Variants in ADCY6 observed in about 807,000 individuals in gnomAD.
ADCY6 encodes adenylate cyclase 6, also known as adenylate cyclase type 6.
In ADCY6, 59 loss-of-function variants were observed where a neutral mutation model predicts 111.6. The ratio of observed to expected loss-of-function variants is 0.53; its 90% CI spans 0.43 to 0.66. The LOEUF (loss-of-function observed/expected upper bound fraction) is 0.66, where lower values mean the gene tolerates loss of function less well. ADCY6 is among the 30% of genes least tolerant of loss of function. ADCY6 has a pLI of 0.00. For synonymous variants in ADCY6, 576 were observed against 642.9 expected (o/e 0.90, Z 1.57); for missense variants, 1,242 against 1,595.6 (o/e 0.78, Z 3.78).
In ADCY6 at chr12:48,775,254, G is replaced by A. The variant is rs776619199; in HGVS notation, c.1980+49C>T. 18 of 1,609,478 alleles carry A rather than the reference G, an allele frequency of 1.1e-5. 1 individual carries two copies. In the Admixed American group the frequency reaches 1.7e-4, roughly 15 times the overall value. Reference sequence around the variant, plus strand: ...ACCTGTGCTCAGCCTTCCCTGCTGCGACCTGCCCCTCCCCCAGCCCTTGTC... The same window carrying A: ...ACCTGTGCTCAGCCTTCCCTGCTGCAACCTGCCCCTCCCCCAGCCCTTGTC... On this transcript the variant is annotated intron_variant, in intron 11 of 21. Transcript: ENST00000357869.
Position 48,782,601 on chromosome 12 carries a change from A to T in ADCY6, c.834T>A (p.Leu278=). 6.2e-7 allele frequency: 1 copy of T among 1,612,128 alleles called. No individual in the cohort carries two copies. The highest frequency in any genetic ancestry group is 8.5e-7 in the Non-Finnish European group (1 of 1,179,106). ...TCCAGAGGAAGGCATCACCACGGTTAAGTTGCCAGGCCAAGATCAAATGCA... is the reference window on the plus strand; with the variant it reads ...TCCAGAGGAAGGCATCACCACGGTTTAGTTGCCAGGCCAAGATCAAATGCA... ...STLHLILAWQ[L]NRGDAFLWKQ... Residue 278 remains leucine (L), a synonymous_variant, in exon 2 of 22, where the codon CTT becomes CTA. Transcript: ENST00000357869. This position sits in a 1 kb window ranked among gnomAD's most constrained non-coding sequence, Gnocchi z 4.3.
intron 2 of ADCY6, among the ~76,000 whole-genome samples, chr12:48,781,064 G>T (rs1343648118): frequency 6.6e-6 from 1 of 152,054 alleles, no homozygotes; most frequent in South Asian, 2.1e-4. Flanking sequence ...TGGGCATGGT[G>T]GCGCGCTCCT....
chr12:48,782,722 C>A lies in ADCY6; in HGVS notation c.713G>T (p.Gly238Val). ...GACAAAGAACACAGGGCACCAGAGG[C>A]CCGCAGAGGGGCTGCGCGGGTCTGC... ...LAADPRSPSAGLWCPVFFVYI... is the reference protein window; with the variant it reads ...LAADPRSPSAVLWCPVFFVYI... The change falls in exon 2 of 22, where the codon GGC (glycine) becomes GTC (valine). Residue 238 changes from glycine (G) to valine (V), a missense_variant. Physicochemically the swap from Gly to Val is moderately radical, Grantham distance 109 (BLOSUM62 -3). This residue lies in a region of ADCY6 where 362 missense variants were observed against 377.2 expected (regional missense o/e 0.96). Transcript: ENST00000357869. The surrounding 1 kb of genome is among the most constrained non-coding windows in gnomAD (Gnocchi z 4.3). 6.3e-7 allele frequency: 1 copy of A among 1,595,696 alleles called. No homozygotes were observed.
At chr12:48,770,549 G>T (rs1592153984) in intron 20 of ADCY6, among the ~76,000 whole-genome samples, 1 of 152,278 alleles carries the variant, frequency 6.6e-6, no homozygotes, top group East Asian at 1.9e-4. Flanking sequence ...TCCAATGAAA[G>T]GCGATAATAG....
intron 1 of ADCY6, among the ~76,000 whole-genome samples, chr12:48,785,628 AAAT>A (rs1203861964): frequency 1.3e-5 from 2 of 152,138 alleles, no homozygotes; most frequent in Admixed American, 6.5e-5. Flanking sequence ...TCAAAAAATA[AAAT>A]AATAATAATA....
intron 20 of ADCY6, among the ~76,000 whole-genome samples, chr12:48,769,897 G>A (rs1193216289): frequency 2.0e-5 from 3 of 151,564 alleles, no homozygotes; most frequent in African/African-American, 7.3e-5. Context: ...GAGTAGCTGG[G>A]ACTATAGGCG....
Position 48,772,342 on chromosome 12 carries a change from G to C in ADCY6, c.2740C>G (p.Gln914Glu). ...AGGCGGGCAGTCGACTCCACCTGCTGAGCATGCAGATACAGCGCCAGCGCA... is the reference window on the plus strand; with the variant it reads ...AGGCGGGCAGTCGACTCCACCTGCTCAGCATGCAGATACAGCGCCAGCGCA... Reference protein sequence around the residue: ...VFALALYLHAQQVESTARLDF... With the variant: ...VFALALYLHAEQVESTARLDF... The change falls in exon 18 of 22, where the codon CAG becomes GAG. Residue 914 changes from glutamine to glutamate, a missense_variant. By Grantham distance (29) the Gln-to-Glu change is conservative. Around this residue, in one of 4 missense-constraint regions of ADCY6, gnomAD observed 245 missense variants for 371.3 expected, o/e 0.66. Coordinates refer to ENST00000357869, the MANE Select transcript of ADCY6 (RefSeq NM_015270.5). 6.2e-7 allele frequency: 1 copy of C among 1,614,152 alleles called. No individual in the cohort carries two copies. Among genetic ancestry groups the C allele is most frequent in the Non-Finnish European group, 8.5e-7 (1 of 1,180,004 alleles).
intron 2 of ADCY6, among the ~76,000 whole-genome samples, chr12:48,781,993 C>T (rs1017194611): frequency 6.6e-6 from 1 of 152,186 alleles, no homozygotes; most frequent in African/African-American, 2.4e-5. Context: ...AGAGAACTGA[C>T]CCCAGCTCTT....
intron 1 of ADCY6, among the ~76,000 whole-genome samples, chr12:48,784,677 T>TG (rs1941946000): frequency 7.1e-6 from 1 of 140,516 alleles, no homozygotes; most frequent in African/African-American, 2.7e-5. Flanking sequence ...TTTTTTTTTT[T>TG]TTTTTTTTTT....
intron 1 of ADCY6, among the ~76,000 whole-genome samples, chr12:48,786,960 A>G (rs749402067): frequency 4.6e-5 from 7 of 152,218 alleles, no homozygotes; most frequent in Non-Finnish European, 1.0e-4. Context: ...CAAGAAGTAC[A>G]CACTTGAAAA....
At chr12:48,780,021 G>T (rs186688528) in intron 2 of ADCY6, among the ~76,000 whole-genome samples, 1 of 152,170 alleles carries the variant, frequency 6.6e-6, no homozygotes, top group African/African-American at 2.4e-5. Flanking sequence ...CAGGGGTGAA[G>T]AGAGGGGCAC....
chr12:48,778,009 A>T, intron 3 of ADCY6, 99 bp downstream of exon 3: 2 of 1,476,634 alleles, frequency 1.4e-6, no homozygotes, highest in Non-Finnish European at 1.8e-6. Context: ...GGGAACCATC[A>T]CACTGTGCTG....
Position 48,775,479 on chromosome 12 carries a change from T to A in ADCY6, c.1833-29A>T, listed in dbSNP as rs3730069. On this transcript the variant is annotated intron_variant, in intron 10 of 21. Transcript: ENST00000357869. ...AGGGCAGGAGACATGGTTTCACCAG[T>A]TGCATGGGCATGGCCATGTGAGAAA... is the stretch of plus-strand genomic sequence containing the variant. The A allele has an allele frequency of 0.13, 207,002 of 1,612,492 alleles. 18,582 individuals carry two copies. Among genetic ancestry groups the A allele is most frequent in the African/African-American group, 0.47 (35,411 of 74,812 alleles).
At chr12:48,775,498 T>C (rs751058269) in intron 10 of ADCY6, 48 bp from the exon 11 acceptor site, 1 of 1,608,316 alleles carries the variant, frequency 6.2e-7, no homozygotes, top group Admixed American at 1.7e-5. Flanking sequence ...CATGGCCATG[T>C]GAGAAACAAT....
intron 2 of ADCY6, among the ~76,000 whole-genome samples, chr12:48,780,077 A>C (rs949154379): frequency 2.0e-5 from 3 of 152,024 alleles, no homozygotes; most frequent in African/African-American, 7.2e-5. Flanking sequence ...AGTGGGGGAG[A>C]AGGGAAGGGG....
Position 48,782,273 on chromosome 12 carries a change from T to C in ADCY6, c.864+298A>G, listed in dbSNP as rs755683308. Among the ~76,000 whole-genome samples, 5 of 152,212 alleles carry C rather than the reference T, an allele frequency of 3.3e-5. No individual in the cohort carries two copies. The highest frequency in any genetic ancestry group is 6.8e-3 in the Middle Eastern group (2 of 294). On this transcript the variant is annotated intron_variant, in intron 2 of 21. Transcript: ENST00000357869. The surrounding 1 kb of genome is among the most constrained non-coding windows in gnomAD (Gnocchi z 4.3). Reference sequence around the variant, plus strand: ...AGCCCCACATTCTGTCTCTACAGACTGCACTATTTCAGCGGGCTAAAGAGC... The same window carrying C: ...AGCCCCACATTCTGTCTCTACAGACCGCACTATTTCAGCGGGCTAAAGAGC...
chr12:48,773,335 A>T, intron 16 of ADCY6, 134 bp downstream of exon 16: 1 of 1,020,820 alleles, frequency 9.8e-7, no homozygotes, highest in Non-Finnish European at 1.4e-6. Flanking sequence ...GAGCTCCTCC[A>T]TCTCCTCCCT....
rs1279950093 is a variant in ADCY6, at chr12:48,777,250, G to C, written c.1249-19C>G. The C allele has an allele frequency of 8.7e-6, 14 of 1,609,420 alleles. No individual in the cohort carries two copies. The South Asian group carries it at 1.4e-4, about 17-fold the overall frequency. ...GATTCTCCTGAATGGGAAGGAATTGGAGGGAAGGGTAACCTTTACTCTCTT... is the reference window on the plus strand; with the variant it reads ...GATTCTCCTGAATGGGAAGGAATTGCAGGGAAGGGTAACCTTTACTCTCTT... On this transcript the variant is annotated intron_variant, in intron 5 of 21. Coordinates refer to ENST00000357869, the MANE Select transcript of ADCY6 (RefSeq NM_015270.5). The surrounding 1 kb of genome is among the most constrained non-coding windows in gnomAD (Gnocchi z 4.9).
At chr12:48,779,073 G>A (rs1045492144) in intron 2 of ADCY6, among the ~76,000 whole-genome samples, 34 of 151,498 alleles carry the variant, frequency 2.2e-4, no homozygotes, top group Non-Finnish European at 2.5e-4. Flanking sequence ...GTAGAGACGG[G>A]GTTTCACCAT....
Sources: allele counts gnomAD v4.1 joint callset (sites outside exome capture counted in the v4.1 genomes callset), GRCh38; gene constraint gnomAD v4.1.1; regional missense constraint gnomAD v4.1.1; non-coding constraint Gnocchi (gnomAD v3.1); transcripts MANE v1.5; gene names NCBI Gene and HGNC (gene_info 2026-07-23, HGNC 2026-07-21).